SIGLEC11: variants seen among roughly 807,000 people sequenced by gnomAD.
SIGLEC11 encodes the protein sialic acid binding Ig like lectin 11, also known as sialic acid-binding Ig-like lectin 11.
SIGLEC11 carries 47 observed loss-of-function variants against 61.2 expected under a neutral mutation model. The observed-to-expected ratio is 0.77, with a 90% CI of 0.61 to 0.98. The LOEUF (loss-of-function observed/expected upper bound fraction) is 0.98, where lower values mean the gene tolerates loss of function less well. Among genes scored for constraint, SIGLEC11 ranks in the 50% least tolerant of loss-of-function variants. SIGLEC11 has a pLI of 0.00. For missense variants in SIGLEC11, 610 were observed against 870.3 expected, an observed-to-expected ratio of 0.70 and a Z score of 3.76; for synonymous variants, 278 against 373.1, an observed-to-expected ratio of 0.75 and a Z score of 2.94.
At position 49,959,065 on chromosome 19, in the gene SIGLEC11, T is replaced by G. The variant is rs142215885; in HGVS notation, c.1070A>C (p.Asn357Thr). Residue 357 changes from asparagine to threonine, a missense_variant, in exon 6 of 11, where the codon AAC (asparagine) becomes ACC (threonine). Around this residue, in one of 6 missense-constraint regions of SIGLEC11, gnomAD observed 432 missense variants for 441.5 expected, o/e 0.98. Coordinates refer to ENST00000447370, the MANE Select transcript of SIGLEC11 (RefSeq NM_052884.3). Reference sequence around the variant, plus strand: ...TGCTTGGGAAACCATCACTCTCAGGTTCTCTGGAGGATCTGAAATGGAGAC... The same window carrying G: ...TGCTTGGGAAACCATCACTCTCAGGGTCTCTGGAGGATCTGAAATGGAGAC... ...LDLSVQYPPENLRVMVSQANR... is the reference protein window; with the variant it reads ...LDLSVQYPPETLRVMVSQANR... 78 of 1,613,700 alleles carry G rather than the reference T, an allele frequency of 4.8e-5. No homozygotes were observed. Among genetic ancestry groups the G allele is most frequent in the Non-Finnish European group, 5.9e-5 (70 of 1,179,826 alleles).
In SIGLEC11 at chr19:49,951,737, C is replaced by T. The variant is rs1302878898; in HGVS notation, c.1830+154G>A. Among the ~76,000 whole-genome samples, 2 of 151,988 alleles carry T rather than the reference C, an allele frequency of 1.3e-5. No individual in the cohort carries two copies. The highest frequency in any genetic ancestry group is 2.9e-5 in the Non-Finnish European group (2 of 67,968). ...TAGGGAGCAGTGGGGAGGGTGCCTC[C>T]CAGATCATGGGACTTGGGACTGCAT... On this transcript the variant is annotated intron_variant, in intron 10 of 10. Transcript: ENST00000447370. The surrounding 1 kb of genome is among the most constrained non-coding windows in gnomAD (Gnocchi z 4.6).
At position 49,955,851 on chromosome 19, in the gene SIGLEC11, C is replaced by A. The variant is rs1248854416; in HGVS notation, c.1651+2432G>T. Among the ~76,000 whole-genome samples the A allele has an allele frequency of 1.3e-5, 2 of 150,812 alleles. No individual in the cohort carries two copies. Among genetic ancestry groups the A allele is most frequent in the Non-Finnish European group, 2.9e-5 (2 of 67,884 alleles). On this transcript the variant is annotated intron_variant, in intron 8 of 10. Coordinates refer to ENST00000447370, the MANE Select transcript of SIGLEC11 (RefSeq NM_052884.3). This position sits in a 1 kb window ranked among gnomAD's most constrained non-coding sequence, Gnocchi z 4.5. Reference sequence around the variant, plus strand: ...TCGGGAGGCTGAGGCAGGAGAATGGCGTGAACCTGGGAGTTGGAGCTTGCA... The same window carrying A: ...TCGGGAGGCTGAGGCAGGAGAATGGAGTGAACCTGGGAGTTGGAGCTTGCA...
rs1040570974 is a variant in SIGLEC11 at position 49,955,889 on chromosome 19, G to T, written c.1651+2394C>A. Among the ~76,000 whole-genome samples the T allele has an allele frequency of 6.6e-6, 1 of 151,252 alleles. No individual in the cohort carries two copies. The highest frequency in any genetic ancestry group is 6.6e-5 in the Admixed American group (1 of 15,190). On this transcript the variant is annotated intron_variant, in intron 8 of 10. Coordinates refer to ENST00000447370, the MANE Select transcript of SIGLEC11 (RefSeq NM_052884.3). The surrounding 1 kb of genome is among the most constrained non-coding windows in gnomAD (Gnocchi z 4.5). ...GTTGGAGCTTGCAGTGAGCAGAGAT[G>T]GCGCCACTGCACTCCAGCCAGGGCA...
Position 49,952,349 on chromosome 19 carries a change from C to G in SIGLEC11, c.1697G>C (p.Gly566Ala), listed in dbSNP as rs1216286730. Residue 566 changes from glycine (G) to alanine (A), a missense_variant, in exon 9 of 11, where the codon GGA becomes GCA. Gly to Ala is a moderately conservative substitution (Grantham distance 60, BLOSUM62 0). Coordinates refer to ENST00000447370, the MANE Select transcript of SIGLEC11 (RefSeq NM_052884.3). ...AGCGAGCAGGGCAGCGACGCCAGCT[C>G]CCAGGGCAGCCCCCAGGCCAAGTCC... ...GGGLGLGAAL[G>A]AGVAALLAFC... 6.2e-7 allele frequency: 1 copy of G among 1,610,154 alleles called. No homozygotes were observed. Among genetic ancestry groups the G allele is most frequent in the Non-Finnish European group, 8.5e-7 (1 of 1,179,978 alleles).
intron 5 of SIGLEC11, 83 bp from the exon 6 acceptor site, chr19:49,959,160 G>A: frequency 6.3e-7 from 1 of 1,599,032 alleles, no homozygotes; most frequent in Non-Finnish European, 8.5e-7. Context: ...CACTGAGGTG[G>A]GGGAAGTGGG....
Position 49,958,815 on chromosome 19 carries a change from G to A in SIGLEC11, c.1191C>T (p.Pro397=). 1.2e-6 allele frequency: 2 copies of A among 1,612,962 alleles called. No individual in the cohort carries two copies. The highest frequency in any genetic ancestry group is 1.7e-4 in the Middle Eastern group (1 of 6,056). ...ACCGGGTCCAGCTCAGCCTGGCTGGGGGGCTGCTGTGGGTGACACAGACCA... is the reference window on the plus strand; with the variant it reads ...ACCGGGTCCAGCTCAGCCTGGCTGGAGGGCTGCTGTGGGTGACACAGACCA... ...LRLVCVTHSS[P]PARLSWTRWG... is the part of the protein sequence containing the mutation. The change falls in exon 7 of 11, where the codon CCC becomes CCT. Residue 397 remains proline, a synonymous_variant. Transcript: ENST00000447370.
rs2076212086 is a variant in SIGLEC11 at position 49,958,296 on chromosome 19, G to C, written c.1638C>G (p.Phe546Leu). The change falls in exon 8 of 11, where the codon TTC becomes TTG. Residue 546 changes from phenylalanine (F) to leucine (L), a missense_variant. Physicochemically the swap from Phe to Leu is conservative, Grantham distance 22. Around this residue, in one of 6 missense-constraint regions of SIGLEC11, gnomAD observed 432 missense variants for 441.5 expected, o/e 0.98. Coordinates refer to ENST00000447370, the MANE Select transcript of SIGLEC11 (RefSeq NM_052884.3). ...CAGTCCCCTCACCTGGTAGCAGCTG[G>C]AAGACAGAGCCACTCTGGGCCCCGT... is the stretch of plus-strand genomic sequence containing the variant. ...NVHGAQSGSV[F>L]QLLPGKLEHG... The C allele has an allele frequency of 1.9e-6, 3 of 1,614,064 alleles. No homozygotes were observed. The highest frequency in any genetic ancestry group is 2.5e-6 in the Non-Finnish European group (3 of 1,179,990).
At position 49,959,018 on chromosome 19, in the gene SIGLEC11, C is replaced by T. The variant is rs2076221530; in HGVS notation, c.1105+12G>A. 6.2e-7 allele frequency: 1 copy of T among 1,613,718 alleles called. No individual in the cohort carries two copies. The highest frequency in any genetic ancestry group is 8.5e-7 in the Non-Finnish European group (1 of 1,179,804). On this transcript the variant is annotated intron_variant, in intron 6 of 10. Coordinates refer to ENST00000447370, the MANE Select transcript of SIGLEC11 (RefSeq NM_052884.3). The stretch of plus-strand genomic sequence containing the variant: ...CACTGAGAGGCCCTGGCTCCTCTGT[C>T]TCCTTTCCTACCTGTCCTGTTTGCT...
In SIGLEC11 at chr19:49,951,016, C is replaced by T. The variant is rs781717873; in HGVS notation, c.1831-780G>A. 2.0e-5 allele frequency among the ~76,000 whole-genome samples: 3 copies of T among 152,200 alleles called. No individual in the cohort carries two copies. Among genetic ancestry groups the T allele is most frequent in the Non-Finnish European group, 4.4e-5 (3 of 68,036 alleles). ...CCTCTAATGTAGGGCCTTGGAATAT[C>T]CTGCTGGTAGGAGCATCCCTGTTGA... On this transcript the variant is annotated intron_variant, in intron 10 of 10. Coordinates refer to ENST00000447370, the MANE Select transcript of SIGLEC11 (RefSeq NM_052884.3). This position sits in a 1 kb window ranked among gnomAD's most constrained non-coding sequence, Gnocchi z 4.6.
chr19:49,954,977 G>A (rs2076185893), intron 8 of SIGLEC11, among the ~76,000 whole-genome samples: 1 of 151,896 alleles, frequency 6.6e-6, no homozygotes, highest in African/African-American at 2.4e-5. Flanking sequence ...GAGAGCTGAC[G>A]AGAGCCCAAG....
rs1163176313 is a variant in SIGLEC11, at chr19:49,955,282, A to C, written c.1652-2888T>G. The stretch of plus-strand genomic sequence containing the variant: ...TCAGCCTGGCTCTATCTGGAAAAAG[A>C]GCGGGGCGGGGACTGGCCCCAGAAA... On this transcript the variant is annotated intron_variant, in intron 8 of 10. Coordinates refer to ENST00000447370, the MANE Select transcript of SIGLEC11 (RefSeq NM_052884.3). This position sits in a 1 kb window ranked among gnomAD's most constrained non-coding sequence, Gnocchi z 4.5. Among the ~76,000 whole-genome samples, 1 of 147,066 alleles carries C rather than the reference A, an allele frequency of 6.8e-6. No individual in the cohort carries two copies. Among genetic ancestry groups the C allele is most frequent in the Non-Finnish European group, 1.5e-5 (1 of 67,082 alleles).
intron 8 of SIGLEC11, among the ~76,000 whole-genome samples, 194 bp downstream of exon 8, chr19:49,958,089 A>T (rs903022668): frequency 1.3e-5 from 2 of 152,198 alleles, no homozygotes; most frequent in African/African-American, 4.8e-5. Context: ...TACCTTAAAT[A>T]AACAATCCTC....
Position 49,950,056 on chromosome 19 carries a change from T to C in SIGLEC11, c.2011A>G (p.Ile671Val), listed in dbSNP as rs772262172. 4.4e-6 allele frequency: 7 copies of C among 1,604,582 alleles called. No individual in the cohort carries two copies. The Admixed American group carries it at 1.2e-4, about 27-fold the overall frequency. The change falls in exon 11 of 11, where the codon ATC (isoleucine) becomes GTC (valine). Residue 671 changes from isoleucine (I) to valine (V), a missense_variant. Transcript: ENST00000447370. ...AGGGGCTGTCCTGTGTGGATCTTGA[T>C]CTCCGAGTACTCGGTGGTGCTGGGG... ...EAPSTTEYSE[I>V]KIHTGQPLRG...
rs775474472 is a variant in SIGLEC11 at position 49,960,630 on chromosome 19, A to G, written c.382T>C (p.Trp128Arg). Residue 128 changes from tryptophan (W) to arginine (R), a missense_variant, in exon 2 of 11, where the codon TGG (tryptophan) becomes CGG (arginine). Around this residue, in one of 6 missense-constraint regions of SIGLEC11, gnomAD observed 99 missense variants for 131.6 expected, o/e 0.75. Coordinates refer to ENST00000447370, the MANE Select transcript of SIGLEC11 (RefSeq NM_052884.3). ...IRDAQREDEA[W>R]YFFRVERGSR... ...CCTCTCTCCACCCGAAAGAAGTACCATGCCTCATCCTCCCTCTGCGCGTCT... is the reference window on the plus strand; with the variant it reads ...CCTCTCTCCACCCGAAAGAAGTACCGTGCCTCATCCTCCCTCTGCGCGTCT... 3 of 1,602,380 alleles carry G rather than the reference A, an allele frequency of 1.9e-6. No individual in the cohort carries two copies. Among genetic ancestry groups the G allele is most frequent in the South Asian group, 1.1e-5 (1 of 90,926 alleles).
At chr19:49,950,537 A>T (rs887587258) in intron 10 of SIGLEC11, among the ~76,000 whole-genome samples, 8 of 152,142 alleles carry the variant, frequency 5.3e-5, no homozygotes, top group African/African-American at 1.9e-4. Context: ...CCATGATCAG[A>T]TGGAGAAATG....
At position 49,958,706 on chromosome 19, in the gene SIGLEC11, A is replaced by C; in HGVS notation, c.1300T>G (p.Phe434Val). 1 of 1,612,712 alleles carries C rather than the reference A, an allele frequency of 6.2e-7. No homozygotes were observed. Among genetic ancestry groups the C allele is most frequent in the Non-Finnish European group, 8.5e-7 (1 of 1,179,300 alleles). ...AGAGGGTGCTGAGCGTGGCAGGTGAACTCTCCTTCGTGCTCCATTTGAATG... is the reference window on the plus strand; with the variant it reads ...AGAGGGTGCTGAGCGTGGCAGGTGACCTCTCCTTCGTGCTCCATTTGAATG... ...PPIQMEHEGE[F>V]TCHAQHPLGS... Residue 434 changes from phenylalanine (F) to valine (V), a missense_variant, in exon 7 of 11, where the codon TTC becomes GTC. By Grantham distance (50) the Phe-to-Val change is conservative. Transcript: ENST00000447370.
intron 8 of SIGLEC11, 130 bp downstream of exon 8, chr19:49,958,153 C>G: frequency 7.6e-7 from 1 of 1,320,648 alleles, no homozygotes. Flanking sequence ...AACTACCAGC[C>G]ACAGAGCAGG....
At chr19:49,957,728 G>A (rs148890842) in intron 8 of SIGLEC11, among the ~76,000 whole-genome samples, 2 of 152,260 alleles carry the variant, frequency 1.3e-5, no homozygotes, top group East Asian at 1.9e-4. Context: ...TTAGCCGGGC[G>A]CGGTGGCACA....
Position 49,950,217 on chromosome 19 carries a change from G to A in SIGLEC11, c.1850C>T (p.Ser617Leu), listed in dbSNP as rs1451132053. Residue 617 changes from serine to leucine, a missense_variant, in exon 11 of 11, where the codon TCG becomes TTG. Ser to Leu is a moderately radical substitution (Grantham distance 145, BLOSUM62 -2). Around this residue, in one of 6 missense-constraint regions of SIGLEC11, gnomAD observed 432 missense variants for 441.5 expected, o/e 0.98. Coordinates refer to ENST00000447370, the MANE Select transcript of SIGLEC11 (RefSeq NM_052884.3). The part of the protein sequence containing the change: ...PISQGHQHEC[S>L]AGSSQDHPPP... ...CGGGTGGTCTTGGGAGCTGCCTGCCGAGCATTCATGCTGGTGACCCTGAAT... is the reference window on the plus strand; with the variant it reads ...CGGGTGGTCTTGGGAGCTGCCTGCCAAGCATTCATGCTGGTGACCCTGAAT... The A allele has an allele frequency of 1.3e-5, 20 of 1,591,822 alleles. No individual in the cohort carries two copies. Among genetic ancestry groups the A allele is most frequent in the Middle Eastern group, 1.8e-4 (1 of 5,690 alleles).
Sources: allele counts gnomAD v4.1 joint callset (sites outside exome capture counted in the v4.1 genomes callset), GRCh38; gene constraint gnomAD v4.1.1; regional missense constraint gnomAD v4.1.1; non-coding constraint Gnocchi (gnomAD v3.1); transcripts MANE v1.5; gene names NCBI Gene and HGNC (gene_info 2026-07-23, HGNC 2026-07-21).